COX18: variants seen among roughly 807,000 people sequenced by gnomAD.
The protein encoded by COX18 is cytochrome c oxidase assembly factor COX18.
In COX18, 45 loss-of-function variants were observed where a neutral mutation model predicts 38.0. That is an observed-to-expected ratio of 1.18 (90% CI 0.93 to 1.52). The LOEUF (loss-of-function observed/expected upper bound fraction) is 1.52, where lower values mean the gene tolerates loss of function less well. Ranked by LOEUF, COX18 falls within the 40% of genes most tolerant of loss-of-function variation. COX18 has a pLI of 0.00. For missense variants in COX18, 462 were observed against 423.8 expected, an observed-to-expected ratio of 1.09 and a Z score of -0.79; for synonymous variants, 177 against 169.8, an observed-to-expected ratio of 1.04 and a Z score of -0.33.
chr4:73,063,910 AGAGTCT>A (rs1302717144), intron 4 of COX18, among the ~76,000 whole-genome samples: 12 of 152,218 alleles, frequency 7.9e-5, no homozygotes, highest in Non-Finnish European at 1.5e-5. Flanking sequence ...TGTTCTACTC[AGAGTCT>A]GAGAACAATT....
chr4:73,060,433 T>C (rs1256182247), intron 5 of COX18, among the ~76,000 whole-genome samples: 3 of 152,220 alleles, frequency 2.0e-5, no homozygotes, highest in Non-Finnish European at 1.5e-5. Context: ...AGTTCTCTAA[T>C]AGGCACTCAT....
chr4:73,058,268 A>T lies in COX18; in HGVS notation c.851T>A (p.Leu284Ter). 6.2e-7 allele frequency: 1 copy of T among 1,611,784 alleles called. No homozygotes were observed. Among genetic ancestry groups the T allele is most frequent in the Non-Finnish European group, 8.5e-7 (1 of 1,179,274 alleles). The change falls in exon 6 of 6, where the codon TTA becomes TAA. Residue 284 changes from leucine to a stop codon, truncating the protein, a stop_gained. Transcript: ENST00000507544. LOFTEE classifies it high-confidence loss of function. ...TVPSSIVLYW[L>*]CSSFVGLSQN... ...TGAAAGGCCCACGAAGCTGGAGCAT[A>T]ACCAGTAGAGAACAATTGACTATAA...
At position 73,068,009 on chromosome 4, in the gene COX18, C is replaced by G. The variant is rs759719356; in HGVS notation, c.434+20G>C. ...GTGTGTATGTGTGCGTATGGTCTTA[C>G]GTGGATATAATTAGCTTACCTGGCA... On this transcript the variant is annotated intron_variant, in intron 2 of 5. Transcript: ENST00000507544. The G allele has an allele frequency of 4.1e-6, 6 of 1,468,888 alleles. No individual in the cohort carries two copies. In the South Asian group the frequency reaches 6.8e-5, roughly 17 times the overall value. The allele number at this position is 1,468,888 out of a possible 1,614,324, so 91.0% of individuals were successfully genotyped here.
intron 5 of COX18, among the ~76,000 whole-genome samples, chr4:73,059,642 A>G (rs1720052782): frequency 6.6e-6 from 1 of 152,198 alleles, no homozygotes; most frequent in South Asian, 2.1e-4. Context: ...CAGTTTCCTC[A>G]TCACCAAAGT....
intron 2 of COX18, among the ~76,000 whole-genome samples, chr4:73,066,176 A>G (rs971108387): frequency 1.3e-5 from 2 of 152,242 alleles, no homozygotes; most frequent in African/African-American, 2.4e-5. Context: ...TAGGTCCTCC[A>G]TAATTTCACA....
Position 73,056,307 on chromosome 4 carries a change from A to T in COX18, c.*1807T>A, listed in dbSNP as rs1719884431. On this transcript the variant is annotated 3_prime_UTR_variant, in exon 6 of 6. Transcript: ENST00000507544. ...TACCTGTCAATTTTTTCTGTATTAA[A>T]CCTCTATCATAGTTTAAGCCTATTA... is the stretch of plus-strand genomic sequence containing the variant. 2 of 152,174 alleles carry T rather than the reference A, an allele frequency of 1.3e-5. No homozygotes were observed. Among genetic ancestry groups the T allele is most frequent in the South Asian group, 4.1e-4 (2 of 4,834 alleles). 9.4% of individuals were successfully genotyped at this position (152,174 alleles called of 1,614,324 possible).
Position 73,064,919 on chromosome 4 carries a change from A to C in COX18, c.599-17T>G. 6.2e-7 allele frequency: 1 copy of C among 1,609,924 alleles called. No homozygotes were observed. Among genetic ancestry groups the C allele is most frequent in the Non-Finnish European group, 8.5e-7 (1 of 1,177,304 alleles). ...AAAAACCTGCTAAAACAGTTTTATA[A>C]ATAAAACAATAGAAGTCCTAAAAAT... is the stretch of plus-strand genomic sequence containing the variant. On this transcript the variant is annotated splice_polypyrimidine_tract_variant and intron_variant, in intron 3 of 5. Transcript: ENST00000507544.
At position 73,058,143 on chromosome 4, in the gene COX18, A is replaced by G. The variant is rs1279356086; in HGVS notation, c.976T>C (p.Phe326Leu). The G allele has an allele frequency of 1.9e-6, 3 of 1,604,990 alleles. No homozygotes were observed. The highest frequency in any genetic ancestry group is 2.6e-6 in the Non-Finnish European group (3 of 1,175,974). ...ETPYKDIFAA[F>L]NTKFISRK ...TTTCTTGAAATGAACTTGGTATTAA[A>G]GGCAGCAAATATGTCTTTATAAGGA... Residue 326 changes from phenylalanine (F) to leucine (L), a missense_variant, in exon 6 of 6, where the codon TTT becomes CTT. Physicochemically the swap from Phe to Leu is conservative, Grantham distance 22. Coordinates refer to ENST00000507544, the MANE Select transcript of COX18 (RefSeq NM_001297732.2).
At chr4:73,059,810 C>T (rs1034843435) in intron 5 of COX18, among the ~76,000 whole-genome samples, 1 of 152,090 alleles carries the variant, frequency 6.6e-6, no homozygotes, top group Non-Finnish European at 1.5e-5. Context: ...AAAGAACCTG[C>T]GGCCAACTAC....
intron 5 of COX18, among the ~76,000 whole-genome samples, chr4:73,058,685 T>C (rs182264922): frequency 5.9e-5 from 9 of 152,292 alleles, no homozygotes; most frequent in Non-Finnish European, 1.2e-4. Flanking sequence ...TCCCTACACC[T>C]AATTTTCCCC....
At chr4:73,066,865 G>A (rs915615022) in intron 2 of COX18, among the ~76,000 whole-genome samples, 1 of 151,992 alleles carries the variant, frequency 6.6e-6, no homozygotes, top group Non-Finnish European at 1.5e-5. Flanking sequence ...ACACAATCTC[G>A]TATTAAAGAT....
intron 2 of COX18, among the ~76,000 whole-genome samples, chr4:73,066,773 C>G (rs563226011): frequency 6.6e-6 from 1 of 152,234 alleles, no homozygotes; most frequent in African/African-American, 2.4e-5. Context: ...TATAGGTCAA[C>G]TTTTAATTTT....
chr4:73,069,289 G>T (rs376471468), intron 1 of COX18, 28 bp downstream of exon 1: 3 of 1,454,330 alleles, frequency 2.1e-6, no homozygotes, highest in Non-Finnish European at 2.7e-6. Flanking sequence ...TGCAGCGCAG[G>T]GTACGCGCAC....
Position 73,057,940 on chromosome 4 carries a change from G to T in COX18, c.*174C>A. On this transcript the variant is annotated 3_prime_UTR_variant, in exon 6 of 6. Coordinates refer to ENST00000507544, the MANE Select transcript of COX18 (RefSeq NM_001297732.2). ...ACCCACCTCGACCTCCCAAAGTGCT[G>T]GGATTACAGGCATGAGCCACTGTGC... is the stretch of plus-strand genomic sequence containing the variant. 2.5e-6 allele frequency: 1 copy of T among 399,024 alleles called. No homozygotes were observed. Among genetic ancestry groups the T allele is most frequent in the Non-Finnish European group, 4.6e-6 (1 of 219,400 alleles). 24.7% of individuals were successfully genotyped at this position (399,024 alleles called of 1,614,324 possible).
chr4:73,061,415 A>C (rs899797916), intron 5 of COX18, among the ~76,000 whole-genome samples: 8 of 152,208 alleles, frequency 5.3e-5, no homozygotes, highest in Admixed American at 1.3e-4. Context: ...TCAGCAGAAG[A>C]AGCAGGATCC....
rs1318695691 is a variant in COX18, at chr4:73,057,361, G to GGTT, written c.*750_*752dup. On this transcript the variant is annotated 3_prime_UTR_variant, in exon 6 of 6. Coordinates refer to ENST00000507544, the MANE Select transcript of COX18 (RefSeq NM_001297732.2). ...AAATCACTGGAATCCGGGAGATGGA[G>GGTT]GTTGCAGTGAGCTGAGATTGCGCCA... The GGTT allele has an allele frequency of 6.6e-6, 1 of 152,014 alleles. No homozygotes were observed. The highest frequency in any genetic ancestry group is 1.9e-4 in the East Asian group (1 of 5,158). The allele number at this position is 152,014 out of a possible 1,614,324, so 9.4% of individuals were successfully genotyped here.
intron 3 of COX18, 61 bp downstream of exon 3, chr4:73,065,189 T>G (rs888691407): frequency 3.3e-6 from 4 of 1,205,504 alleles, no homozygotes; most frequent in Non-Finnish European, 4.5e-6. Context: ...TTTTTTTTTT[T>G]TTTTTTTAGT....
rs1237597791 is a variant in COX18, at chr4:73,057,634, TAA to T, written c.*478_*479del. 6.5e-6 allele frequency: 1 copy of T among 152,772 alleles called. No homozygotes were observed. The highest frequency in any genetic ancestry group is 1.5e-5 in the Non-Finnish European group (1 of 68,446). 9.5% of individuals were successfully genotyped at this position (152,772 alleles called of 1,614,324 possible). A position where few individuals can be genotyped will look rare whatever the true frequency, so the allele number is the denominator to read the frequency against. Reference sequence around the variant, plus strand: ...ACAAACATACTGCATTTATAACATTTAAAAGATTTTAATTACTGTCAAATATA... The same window carrying T: ...ACAAACATACTGCATTTATAACATTTAAGATTTTAATTACTGTCAAATATA... On this transcript the variant is annotated 3_prime_UTR_variant, in exon 6 of 6. Coordinates refer to ENST00000507544, the MANE Select transcript of COX18 (RefSeq NM_001297732.2).
At chr4:73,062,707 T>C (rs1418048022) in intron 4 of COX18, among the ~76,000 whole-genome samples, 2 of 151,870 alleles carry the variant, frequency 1.3e-5, no homozygotes, top group Non-Finnish European at 2.9e-5. Context: ...TGGTGGCATG[T>C]CTGCAGTCCC....
Sources: allele counts gnomAD v4.1 joint callset (sites outside exome capture counted in the v4.1 genomes callset), GRCh38; gene constraint gnomAD v4.1.1; transcripts MANE v1.5; gene names NCBI Gene and HGNC (gene_info 2026-07-23, HGNC 2026-07-21).